SARDH: variants seen among roughly 807,000 people sequenced by gnomAD.
SARDH encodes the protein sarcosine dehydrogenase.
Under a neutral mutation model 109.1 loss-of-function variants are expected in SARDH, and 95 were observed. The ratio of observed to expected loss-of-function variants is 0.87; its 90% CI spans 0.74 to 1.03. The LOEUF is 1.03. SARDH is among the 50% of genes least tolerant of loss of function. The pLI, the probability that SARDH is intolerant of heterozygous loss-of-function variation, is 0.00. For synonymous variants in SARDH, 572 were observed against 534.8 expected (o/e 1.07, Z -0.96); for missense variants, 1,267 against 1,287.8 (o/e 0.98, Z 0.25).
At chr9:133,664,475 C>T (rs992888433) in intron 20 of SARDH, among the ~76,000 whole-genome samples, 24 of 152,182 alleles carry the variant, frequency 1.6e-4, no homozygotes, top group African/African-American at 5.8e-4. Flanking sequence ...CACCCTGGCT[C>T]GGGCTCCCCA....
chr9:133,717,208 CG>C (rs1832155572), intron 8 of SARDH, 117 bp downstream of exon 8: 5 of 1,311,438 alleles, frequency 3.8e-6, no homozygotes, highest in Non-Finnish European at 3.2e-6. Flanking sequence ...CGAGAGGGAC[CG>C]GGGACAGCCC....
chr9:133,707,936 T>C (rs113548958), intron 11 of SARDH, among the ~76,000 whole-genome samples: 2,394 of 152,208 alleles, frequency 0.016, 60 homozygotes, highest in African/African-American at 0.054. Context: ...GCTCTCCCAA[T>C]ACGTGGCTGC....
At chr9:133,663,481 C>T (rs1440641988), downstream of SARDH, 1 of 257,446 alleles carries the variant, frequency 3.9e-6, no homozygotes, top group African/African-American at 2.2e-5. Flanking sequence ...GCCTCATGCT[C>T]TTCAGCCAAG....
chr9:133,704,507 T>A lies in SARDH; in HGVS notation c.1554+441A>T, dbSNP rs1157856090. Among the ~76,000 whole-genome samples, 1 of 152,190 alleles carries A rather than the reference T, an allele frequency of 6.6e-6. No homozygotes were observed. Among genetic ancestry groups the A allele is most frequent in the Non-Finnish European group, 1.5e-5 (1 of 68,030 alleles). On this transcript the variant is annotated intron_variant, in intron 12 of 20. Coordinates refer to ENST00000439388, the MANE Select transcript of SARDH (RefSeq NM_001134707.2). This position sits in a 1 kb window ranked among gnomAD's most constrained non-coding sequence, Gnocchi z 4.5. The stretch of plus-strand genomic sequence containing the variant: ...ACCTCCACTGGGAAACTGAGCACCC[T>A]GGGTGCATCAACCTGCCCAGTGCCT...
chr9:133,718,702 T>C lies in SARDH; in HGVS notation c.1020+236A>G, dbSNP rs776468326. The C allele has an allele frequency of 5.1e-6, 4 of 779,586 alleles. No homozygotes were observed. Among genetic ancestry groups the C allele is most frequent in the Admixed American group, 5.1e-5 (3 of 59,028 alleles). 48.3% of individuals were successfully genotyped at this position (779,586 alleles called of 1,614,324 possible). A position where few individuals can be genotyped will look rare whatever the true frequency, so the allele number is the denominator to read the frequency against. On this transcript the variant is annotated intron_variant, in intron 7 of 20. Transcript: ENST00000439388. The surrounding 1 kb of genome is among the most constrained non-coding windows in gnomAD (Gnocchi z 4.2). ...ATCACTCCACACTGCGCAGACCTTC[T>C]CTGTGGATGTTTTGAGGCAAAGCCC...
In SARDH at chr9:133,734,115, G is replaced by T; in HGVS notation, c.59C>A (p.Thr20Asn). Residue 20 changes from threonine to asparagine, a missense_variant, in exon 2 of 21, where the codon ACC becomes AAC. Physicochemically the swap from Thr to Asn is moderately conservative, Grantham distance 65 (BLOSUM62 0). Coordinates refer to ENST00000439388, the MANE Select transcript of SARDH (RefSeq NM_001134707.2). The stretch of plus-strand genomic sequence containing the variant: ...CAGGTTGCATGGCCCCATGCCCCGG[G>T]TAGGGCTCTGGCGAGGGTGGGCAGC... ...VAAAHPRQSP[T>N]RGMGPCNLSS... The T allele has an allele frequency of 6.2e-7, 1 of 1,611,708 alleles. No homozygotes were observed. Among genetic ancestry groups the T allele is most frequent in the Non-Finnish European group, 8.5e-7 (1 of 1,179,438 alleles).
chr9:133,664,118 T>A, intron 20 of SARDH, 104 bp from the exon 21 acceptor site: 1 of 1,465,938 alleles, frequency 6.8e-7, no homozygotes, highest in Non-Finnish European at 9.2e-7. Context: ...CTACCTGCCC[T>A]GTGGGCAAAC....
At chr9:133,694,135 G>C in intron 15 of SARDH, 123 bp downstream of exon 15, 1 of 696,144 alleles carries the variant, frequency 1.4e-6, no homozygotes, top group African/African-American at 1.8e-5. Context: ...ACCACAGCGG[G>C]CACAACAGCT....
At chr9:133,691,171 C>CACAA (rs755541249) in intron 15 of SARDH, among the ~76,000 whole-genome samples, 16 of 66,826 alleles carry the variant, frequency 2.4e-4, no homozygotes, top group African/African-American at 1.0e-3. Flanking sequence ...CCTCCCCCAA[C>CACAA]ACACACACAC....
intron 16 of SARDH, 119 bp downstream of exon 16, chr9:133,690,261 G>A: frequency 8.9e-7 from 1 of 1,121,494 alleles, no homozygotes; most frequent in Non-Finnish European, 1.3e-6. Context: ...TGGTTTACCA[G>A]AGCGCTTAAC....
At chr9:133,677,859 C>T (rs1321571668) in intron 17 of SARDH, among the ~76,000 whole-genome samples, 1 of 152,240 alleles carries the variant, frequency 6.6e-6, no homozygotes, top group Non-Finnish European at 1.5e-5. Context: ...GGCTCAGACT[C>T]CTGGACTATA....
chr9:133,679,819 G>A (rs1300663444), intron 17 of SARDH, among the ~76,000 whole-genome samples: 1 of 152,248 alleles, frequency 6.6e-6, no homozygotes, highest in Admixed American at 6.5e-5. Context: ...TTCGTCTGGT[G>A]GTGAGGAGGG....
rs772532961 is a variant in SARDH at position 133,728,316 on chromosome 9, T to G, written c.915+1449A>C. On this transcript the variant is annotated intron_variant, in intron 6 of 20. Transcript: ENST00000439388. This position sits in a 1 kb window ranked among gnomAD's most constrained non-coding sequence, Gnocchi z 5.0. Reference sequence around the variant, plus strand: ...AAGCCTGGTACCTCCCCGGTGACCATAGGGAAGCCAGGCTGGCACAGGGTG... The same window carrying G: ...AAGCCTGGTACCTCCCCGGTGACCAGAGGGAAGCCAGGCTGGCACAGGGTG... 2.0e-5 allele frequency among the ~76,000 whole-genome samples: 3 copies of G among 152,008 alleles called. No homozygotes were observed. Among genetic ancestry groups the G allele is most frequent in the African/African-American group, 4.8e-5 (2 of 41,388 alleles).
chr9:133,736,966 T>C (rs1181269615), intron 1 of SARDH, among the ~76,000 whole-genome samples: 3 of 152,244 alleles, frequency 2.0e-5, no homozygotes, highest in East Asian at 3.8e-4. Context: ...TGAACACCTA[T>C]AGACACATGA....
At chr9:133,690,287 A>T in intron 16 of SARDH, 93 bp downstream of exon 16, 1 of 1,477,808 alleles carries the variant, frequency 6.8e-7, no homozygotes, top group Non-Finnish European at 9.2e-7. Flanking sequence ...AGAATGGCCC[A>T]TTCTGGACAA....
chr9:133,670,606 G>A lies in SARDH; in HGVS notation c.2473C>T (p.Leu825=). Residue 825 remains leucine (L), a synonymous_variant, in exon 19 of 21, where the codon CTG becomes TTG. Coordinates refer to ENST00000439388, the MANE Select transcript of SARDH (RefSeq NM_001134707.2). ...CACTCCTCCATGGTGAAGCACACCA[G>A]GCGCCGGCGGAGGCCTGCGGCCCGC... The part of the protein sequence containing the change: ...QQRAAGLRRR[L]VCFTMEDKVP... 1 of 1,576,024 alleles carries A rather than the reference G, an allele frequency of 6.3e-7. No homozygotes were observed. The highest frequency in any genetic ancestry group is 1.3e-5 in the African/African-American group (1 of 74,364).
rs533936959 is a variant in SARDH at position 133,729,122 on chromosome 9, G to A, written c.915+643C>T. Among the ~76,000 whole-genome samples, 161 of 152,174 alleles carry A rather than the reference G, an allele frequency of 1.1e-3. 1 individual carries two copies. The highest frequency in any genetic ancestry group is 2.1e-3 in the Non-Finnish European group (142 of 68,004). ...AGATACGGGAGTAGATGGATGGAGAGACGGATGGAGAGATGGAGGGCTGGA... is the reference window on the plus strand; with the variant it reads ...AGATACGGGAGTAGATGGATGGAGAAACGGATGGAGAGATGGAGGGCTGGA... On this transcript the variant is annotated intron_variant, in intron 6 of 20. Coordinates refer to ENST00000439388, the MANE Select transcript of SARDH (RefSeq NM_001134707.2).
At chr9:133,695,930 A>G (rs945343587) in intron 14 of SARDH, among the ~76,000 whole-genome samples, 3 of 152,200 alleles carry the variant, frequency 2.0e-5, no homozygotes, top group Non-Finnish European at 2.9e-5. Flanking sequence ...CAGTCCCAGG[A>G]GAGACGTGGC....
rs897574515 is a variant in SARDH at position 133,692,527 on chromosome 9, G to A, written c.1921+1731C>T. On this transcript the variant is annotated intron_variant, in intron 15 of 20. Coordinates refer to ENST00000439388, the MANE Select transcript of SARDH (RefSeq NM_001134707.2). The surrounding 1 kb of genome is among the most constrained non-coding windows in gnomAD (Gnocchi z 5.0). ...CTCCCCATCCTTCCAAGCTCAGGCC[G>A]GCCCTCTCCTCCAGGAAGCCTTGCT... Among the ~76,000 whole-genome samples the A allele has an allele frequency of 2.0e-5, 3 of 152,098 alleles. No individual in the cohort carries two copies. Among genetic ancestry groups the A allele is most frequent in the South Asian group, 4.1e-4 (2 of 4,828 alleles).
Sources: allele counts gnomAD v4.1 joint callset (sites outside exome capture counted in the v4.1 genomes callset), GRCh38; gene constraint gnomAD v4.1.1; non-coding constraint Gnocchi (gnomAD v3.1); transcripts MANE v1.5; gene names NCBI Gene and HGNC (gene_info 2026-07-23, HGNC 2026-07-21).